Variants in KIFC3 observed in about 807,000 individuals in gnomAD.
The protein encoded by KIFC3 is kinesin family member C3, also known as kinesin-like protein KIFC3.
KIFC3 carries 60 observed loss-of-function variants against 101.8 expected under a neutral mutation model. The observed-to-expected ratio is 0.59, with a 90% confidence interval of 0.48 to 0.73. The LOEUF is 0.73. Among genes scored for constraint, KIFC3 ranks in the 30% least tolerant of loss-of-function variants. The pLI, the probability that KIFC3 is intolerant of heterozygous loss-of-function variation, is 0.00. For missense variants in KIFC3, 966 were observed against 1,137.1 expected, an observed-to-expected ratio of 0.85 and a Z score of 2.16; for synonymous variants, 476 against 482.7, an observed-to-expected ratio of 0.99 and a Z score of 0.18.
intron 7 of KIFC3, among the ~76,000 whole-genome samples, chr16:57,770,319 C>A (rs2050996741): frequency 6.6e-6 from 1 of 152,266 alleles, no homozygotes; most frequent in African/African-American, 2.4e-5. Flanking sequence ...TGAGTCCCCA[C>A]TGTGAGGTGG....
chr16:57,818,475 C>A (rs1247030820), intron 1 of KIFC3, among the ~76,000 whole-genome samples: 1 of 152,196 alleles, frequency 6.6e-6, no homozygotes. Flanking sequence ...AGTGATCCTC[C>A]CACCTCAGCC....
intron 1 of KIFC3, among the ~76,000 whole-genome samples, chr16:57,859,426 C>T (rs550168463): frequency 9.2e-5 from 14 of 152,204 alleles, no homozygotes; most frequent in Non-Finnish European, 1.9e-4. Flanking sequence ...CCAGCACTTG[C>T]TTCATGCAGT....
intron 7 of KIFC3, 106 bp from the exon 8 acceptor site, chr16:57,770,061 T>A: frequency 7.4e-7 from 1 of 1,349,428 alleles, no homozygotes; most frequent in Non-Finnish European, 1.0e-6. Flanking sequence ...TGAACACACA[T>A]GCACACACAC....
At chr16:57,839,011 G>C (rs1264693690) in intron 1 of KIFC3, among the ~76,000 whole-genome samples, 2 of 152,268 alleles carry the variant, frequency 1.3e-5, no homozygotes, top group East Asian at 3.9e-4. Flanking sequence ...TACTAAAACT[G>C]AGAATAGCAT....
At chr16:57,852,484 C>T (rs781711534) in intron 1 of KIFC3, among the ~76,000 whole-genome samples, 3 of 152,140 alleles carry the variant, frequency 2.0e-5, no homozygotes, top group South Asian at 2.1e-4. Context: ...GTTTCGGGTG[C>T]GGTGCTTCCT....
At chr16:57,785,768 G>T in intron 3 of KIFC3, 1 of 651,192 alleles carries the variant, frequency 1.5e-6, no homozygotes, top group African/African-American at 1.9e-5. Context: ...TGATAGAGGT[G>T]CAAGCAGAGG....
intron 3 of KIFC3, chr16:57,775,677 G>A (rs2051957641): frequency 1.0e-6 from 1 of 985,446 alleles, no homozygotes. Context: ...AGCCCAACAG[G>A]GGAGGGTCCC....
intron 1 of KIFC3, among the ~76,000 whole-genome samples, chr16:57,813,093 T>C (rs1381133665): frequency 1.3e-5 from 2 of 152,164 alleles, no homozygotes; most frequent in African/African-American, 4.8e-5. Flanking sequence ...TTTGGGAGAC[T>C]GAAGCTAGTG....
At chr16:57,811,171 C>T (rs2055063170) in intron 1 of KIFC3, among the ~76,000 whole-genome samples, 1 of 152,176 alleles carries the variant, frequency 6.6e-6, no homozygotes, top group Non-Finnish European at 1.5e-5. Flanking sequence ...AGGAACTCCA[C>T]TGAAAGAAAG....
At chr16:57,829,176 T>G (rs536974334) in intron 1 of KIFC3, among the ~76,000 whole-genome samples, 14 of 152,370 alleles carry the variant, frequency 9.2e-5, no homozygotes, top group African/African-American at 2.9e-4. Flanking sequence ...AATTAACATA[T>G]TCACCTTTAT....
chr16:57,854,248 T>C (rs1452416613), intron 1 of KIFC3, among the ~76,000 whole-genome samples: 5 of 152,180 alleles, frequency 3.3e-5, no homozygotes, highest in Admixed American at 2.6e-4. Context: ...AGCTGGAAAT[T>C]GTTAAATTGA....
rs2054482859 is a variant in KIFC3, at chr16:57,798,089, GGGCCGGTGTGTGGGAAAGGGCGGGC to G, written c.130_154del (p.Ala44ArgfsTer4). The G allele has an allele frequency of 6.3e-7, 1 of 1,592,386 alleles. No individual in the cohort carries two copies. Among genetic ancestry groups the G allele is most frequent in the Non-Finnish European group, 8.5e-7 (1 of 1,169,972 alleles). On this transcript the variant is annotated frameshift_variant, in exon 2 of 20. Coordinates refer to ENST00000445690, the MANE Select transcript of KIFC3 (RefSeq NM_001130100.2). LOFTEE classifies it high-confidence loss of function. The stretch of plus-strand genomic sequence containing the variant: ...GGACTCACCAGTTCTCAACCTCCCC[GGGCCGGTGTGTGGGAAAGGGCGGGC>G]GGCCGGGCTGGCTGGGGCTGGGGCG...
At position 57,770,698 on chromosome 16, in the gene KIFC3, A is replaced by G; in HGVS notation, c.768T>C (p.Tyr256=). ...SLRAQSPPVK[Y]VIKTVEVESS... Reference sequence around the variant, plus strand: ...ACTCCACCTCCACTGTCTTGATGACATACTGCAGGGTGAGGGAGGAATGGC... The same window carrying G: ...ACTCCACCTCCACTGTCTTGATGACGTACTGCAGGGTGAGGGAGGAATGGC... The change falls in exon 7 of 20, where the codon TAT becomes TAC. Residue 256 remains tyrosine (Y), a splice_region_variant and synonymous_variant. Transcript: ENST00000445690. 1 of 1,485,512 alleles carries G rather than the reference A, an allele frequency of 6.7e-7. No homozygotes were observed. The highest frequency in any genetic ancestry group is 2.5e-5 in the East Asian group (1 of 40,276). The allele number at this position is 1,485,512 out of a possible 1,614,324, so 92.0% of individuals were successfully genotyped here. A position where few individuals can be genotyped will look rare whatever the true frequency, so the allele number is the denominator to read the frequency against.
intron 16 of KIFC3, 41 bp from the exon 17 acceptor site, chr16:57,760,457 G>A (rs2049705786): frequency 6.3e-7 from 1 of 1,599,824 alleles, no homozygotes; most frequent in African/African-American, 1.3e-5. Context: ...GGGCCAGCTG[G>A]AGGGGCAACA....
chr16:57,784,466 G>A (rs190316073), intron 3 of KIFC3, among the ~76,000 whole-genome samples: 14 of 152,338 alleles, frequency 9.2e-5, no homozygotes, highest in Admixed American at 2.6e-4. Context: ...TCAAAAACGC[G>A]CACAATATGC....
chr16:57,847,859 C>G (rs757308785), intron 1 of KIFC3, among the ~76,000 whole-genome samples: 1 of 151,386 alleles, frequency 6.6e-6, no homozygotes, highest in Non-Finnish European at 1.5e-5. Flanking sequence ...AATCTCAGCT[C>G]GCTGCAACCT....
chr16:57,833,296 G>A (rs1555479711), intron 1 of KIFC3, among the ~76,000 whole-genome samples: 1 of 152,080 alleles, frequency 6.6e-6, no homozygotes, highest in Non-Finnish European at 1.5e-5. Flanking sequence ...GTAGTTGCAG[G>A]GTGGAGGTAA....
chr16:57,846,388 T>C (rs2055919451), intron 1 of KIFC3: 1 of 152,306 alleles, frequency 6.6e-6, no homozygotes, highest in South Asian at 2.1e-4. Flanking sequence ...ACACAGGGCT[T>C]TGCAGTCTTT....
At chr16:57,852,920 T>C (rs2056087454) in intron 1 of KIFC3, among the ~76,000 whole-genome samples, 1 of 152,054 alleles carries the variant, frequency 6.6e-6, no homozygotes, top group Non-Finnish European at 1.5e-5. Flanking sequence ...CCTTGTAGAA[T>C]TTCTTTTTTG....
Sources: allele counts gnomAD v4.1 joint callset (sites outside exome capture counted in the v4.1 genomes callset), GRCh38; gene constraint gnomAD v4.1.1; transcripts MANE v1.5; gene names NCBI Gene and HGNC (gene_info 2026-07-23, HGNC 2026-07-21).